Variants in UNC5D observed in about 807,000 individuals in gnomAD.
UNC5D encodes the protein netrin receptor UNC5D.
Under a neutral mutation model 105.4 loss-of-function variants are expected in UNC5D, and 39 were observed. The ratio of observed to expected loss-of-function variants is 0.37; its 90% CI spans 0.29 to 0.48. The LOEUF is 0.48. Among genes scored for constraint, UNC5D ranks in the 20% least tolerant of loss-of-function variants. The probability of loss-of-function intolerance (pLI) is 0.98; values close to 1 mark genes in which losing one functional copy is unlikely to be tolerated. For missense variants in UNC5D, 991 were observed against 1,202.4 expected (o/e 0.82, Z 2.60); for synonymous variants, 452 against 450.4 (o/e 1.00, Z -0.04).
intron 8 of UNC5D, among the ~76,000 whole-genome samples, chr8:35,712,846 T>G (rs1484877678): frequency 2.6e-5 from 4 of 152,234 alleles, no homozygotes; most frequent in Non-Finnish European, 4.4e-5. Flanking sequence ...AACATTAGGC[T>G]ACTGGCATTG....
chr8:35,614,708 G>C (rs1820905559), intron 4 of UNC5D, among the ~76,000 whole-genome samples: 1 of 152,092 alleles, frequency 6.6e-6, no homozygotes, highest in African/African-American at 2.4e-5. Context: ...AAAAGTGTGT[G>C]TCTACAGCCC....
chr8:35,429,242 A>G (rs984900196), intron 1 of UNC5D, among the ~76,000 whole-genome samples: 1 of 152,164 alleles, frequency 6.6e-6, no homozygotes, highest in Non-Finnish European at 1.5e-5. Flanking sequence ...TTAAGAGGTC[A>G]GGAAGTGTTG....
chr8:35,406,011 G>A (rs529246558), intron 1 of UNC5D, among the ~76,000 whole-genome samples: 1 of 152,102 alleles, frequency 6.6e-6, no homozygotes, highest in Non-Finnish European at 1.5e-5. Flanking sequence ...TGCTAAATTT[G>A]TTAATGTAGC....
chr8:35,481,953 G>T (rs1020692509), intron 1 of UNC5D, among the ~76,000 whole-genome samples: 4 of 152,154 alleles, frequency 2.6e-5, no homozygotes, highest in Non-Finnish European at 2.9e-5. Flanking sequence ...ATGTATGGCG[G>T]TGGGTATATA....
At chr8:35,464,358 C>G (rs1809140654) in intron 1 of UNC5D, among the ~76,000 whole-genome samples, 1 of 151,938 alleles carries the variant, frequency 6.6e-6, no homozygotes, top group Non-Finnish European at 1.5e-5. Context: ...AAAAAGAAAA[C>G]AGTTGACTAA....
chr8:35,314,578 C>T (rs1049084522), intron 1 of UNC5D, among the ~76,000 whole-genome samples: 1 of 148,556 alleles, frequency 6.7e-6, no homozygotes, highest in Admixed American at 6.8e-5. Flanking sequence ...TATGTAAAAT[C>T]ATCTAATTTA....
chr8:35,537,011 AAAC>A (rs1487787850), intron 1 of UNC5D, among the ~76,000 whole-genome samples: 4 of 152,130 alleles, frequency 2.6e-5, no homozygotes, highest in African/African-American at 4.8e-5. Flanking sequence ...AAAACAAAAC[AAAC>A]AACAACAACA....
chr8:35,391,283 A>G (rs958574110), intron 1 of UNC5D, among the ~76,000 whole-genome samples: 1 of 152,180 alleles, frequency 6.6e-6, no homozygotes, highest in Non-Finnish European at 1.5e-5. Context: ...CTTCTCCATC[A>G]TCATTTCTCA....
chr8:35,592,736 C>T lies in UNC5D; in HGVS notation c.467-2818C>T, dbSNP rs1467587061. The stretch of plus-strand genomic sequence containing the variant: ...CTCACTTGGTATAATGATGTCTGAT[C>T]ATTACAGCTCCCTAACAGGTCGGCG... On this transcript the variant is annotated intron_variant, in intron 3 of 16. Coordinates refer to ENST00000404895, the MANE Select transcript of UNC5D (RefSeq NM_080872.4). 2.6e-5 allele frequency among the ~76,000 whole-genome samples: 4 copies of T among 152,268 alleles called. No individual in the cohort carries two copies. In the South Asian group the frequency reaches 6.2e-4, roughly 24 times the overall value.
chr8:35,475,318 G>T (rs1176215524), intron 1 of UNC5D, among the ~76,000 whole-genome samples: 2 of 152,132 alleles, frequency 1.3e-5, no homozygotes, highest in Non-Finnish European at 2.9e-5. Flanking sequence ...GTCCATTTTT[G>T]TTAGGCATGC....
intron 1 of UNC5D, among the ~76,000 whole-genome samples, chr8:35,341,113 G>A (rs1244574082): frequency 6.6e-6 from 1 of 152,052 alleles, no homozygotes; most frequent in African/African-American, 2.4e-5. Flanking sequence ...AAATCACAAA[G>A]ATATCATTCA....
At chr8:35,527,065 C>T (rs1371637276) in intron 1 of UNC5D, among the ~76,000 whole-genome samples, 4 of 151,762 alleles carry the variant, frequency 2.6e-5, no homozygotes, top group African/African-American at 4.8e-5. Context: ...TGACACGTAT[C>T]GCTTGTACTC....
intron 1 of UNC5D, among the ~76,000 whole-genome samples, chr8:35,503,575 G>T (rs1196118786): frequency 1.3e-5 from 2 of 152,184 alleles, no homozygotes; most frequent in Non-Finnish European, 2.9e-5. Context: ...TCAGGGAAAG[G>T]ATATGACCCT....
At chr8:35,283,801 T>TGA (rs1806381469) in intron 1 of UNC5D, among the ~76,000 whole-genome samples, 1 of 146,622 alleles carries the variant, frequency 6.8e-6, no homozygotes, top group Admixed American at 6.8e-5. Context: ...AGACTCCGAA[T>TGA]AAAAAAAAAA....
chr8:35,595,485 G>T, intron 3 of UNC5D, 69 bp from the exon 4 acceptor site: 2 of 1,409,720 alleles, frequency 1.4e-6, no homozygotes, highest in South Asian at 1.2e-5. Flanking sequence ...CACTTTTTTT[G>T]TACTTGGACC....
intron 1 of UNC5D, among the ~76,000 whole-genome samples, chr8:35,453,026 A>G (rs145256303): frequency 1.3e-5 from 2 of 152,292 alleles, no homozygotes; most frequent in African/African-American, 4.8e-5. Flanking sequence ...TAACTAATGC[A>G]TTTGTCCTGC....
In UNC5D at chr8:35,247,526, A is replaced by C. The variant is rs532163785; in HGVS notation, c.103+11639A>C. Among the ~76,000 whole-genome samples, 118 of 125,176 alleles carry C rather than the reference A, an allele frequency of 9.4e-4. 2 individuals are homozygous for C. The highest frequency in any genetic ancestry group is 3.0e-3 in the African/African-American group (99 of 32,556). 82.1% of individuals were successfully genotyped at this position (125,176 alleles called of 152,430 possible). A position where few individuals can be genotyped will look rare whatever the true frequency, so the allele number is the denominator to read the frequency against. On this transcript the variant is annotated intron_variant, in intron 1 of 16. Transcript: ENST00000404895. The stretch of plus-strand genomic sequence containing the variant: ...CTAAATAACTTCTCTCTCTCTCTAT[A>C]TATATATATGTATAAAATATATAAA...
chr8:35,365,491 C>A (rs2128921106), intron 1 of UNC5D, among the ~76,000 whole-genome samples: 1 of 150,220 alleles, frequency 6.7e-6, no homozygotes, highest in East Asian at 2.0e-4. Flanking sequence ...CTGGAAGCCC[C>A]TACAACATGT....
intron 2 of UNC5D, among the ~76,000 whole-genome samples, chr8:35,554,655 G>A (rs538053545): frequency 6.6e-6 from 1 of 152,296 alleles, no homozygotes; most frequent in Non-Finnish European, 1.5e-5. Flanking sequence ...AGATTATGTG[G>A]CCTGTGGGGA....
Sources: allele counts gnomAD v4.1 joint callset (sites outside exome capture counted in the v4.1 genomes callset), GRCh38; gene constraint gnomAD v4.1.1; transcripts MANE v1.5; gene names NCBI Gene and HGNC (gene_info 2026-07-23, HGNC 2026-07-21).